The following SYNE3 variants were observed in gnomAD, a reference collection of about 807,000 sequenced individuals.
The protein encoded by SYNE3 is nesprin-3.
In SYNE3, 100 loss-of-function variants were observed where a neutral mutation model predicts 111.2. The observed-to-expected ratio is 0.90, with a 90% CI of 0.77 to 1.06. The LOEUF (loss-of-function observed/expected upper bound fraction) is 1.06, where lower values mean the gene tolerates loss of function less well. SYNE3 is among the 50% of genes least tolerant of loss of function. The pLI is 0.00. For missense variants in SYNE3, 1,160 were observed against 1,240.3 expected (o/e 0.94, Z 0.97); for synonymous variants, 547 against 533.9 (o/e 1.02, Z -0.34).
At chr14:95,469,071 T>TG (rs1407590199) in intron 2 of SYNE3, among the ~76,000 whole-genome samples, 1 of 152,208 alleles carries the variant, frequency 6.6e-6, no homozygotes, top group Non-Finnish European at 1.5e-5. Context: ...ACCCAGTCAC[T>TG]ACCTGCTCAC....
intron 2 of SYNE3, among the ~76,000 whole-genome samples, chr14:95,469,531 C>CAAAAA (rs71132350): frequency 5.0e-5 from 5 of 99,448 alleles, no homozygotes; most frequent in East Asian, 4.6e-4. Flanking sequence ...CATGTCTCTA[C>CAAAAA]AAAAAAAAAA....
chr14:95,439,617 C>G lies in SYNE3; in HGVS notation c.2241G>C (p.Leu747=). 6.2e-7 allele frequency: 1 copy of G among 1,609,292 alleles called. No homozygotes were observed. Among genetic ancestry groups the G allele is most frequent in the Non-Finnish European group, 8.5e-7 (1 of 1,180,006 alleles). The change falls in exon 13 of 18, where the codon CTG becomes CTC. Residue 747 remains leucine (L), a synonymous_variant. Coordinates refer to ENST00000682763, the MANE Select transcript of SYNE3 (RefSeq NM_152592.6). Reference sequence around the variant, plus strand: ...AGCCTAGGAGGCACTCTCACCTCAGCAGACTTTCTTCCAGCAGCCTCAAGG... The same window carrying G: ...AGCCTAGGAGGCACTCTCACCTCAGGAGACTTTCTTCCAGCAGCCTCAAGG... The part of the protein sequence containing the change: ...WRALRLLEES[L]LSLIRNWHLQ...
chr14:95,509,733 AAATTAG>A (rs1173034282), intron 1 of SYNE3, among the ~76,000 whole-genome samples: 1 of 152,246 alleles, frequency 6.6e-6, no homozygotes, highest in Non-Finnish European at 1.5e-5. Context: ...CTGTTGGCTT[AAATTAG>A]AATCCAACCA....
At chr14:95,477,561 G>A (rs187121609) in intron 1 of SYNE3, among the ~76,000 whole-genome samples, 1 of 152,308 alleles carries the variant, frequency 6.6e-6, no homozygotes, top group Non-Finnish European at 1.5e-5. Context: ...GGCCCTGCAC[G>A]GGGCCAGAAG....
At chr14:95,465,886 A>G (rs12434921) in intron 4 of SYNE3, 45 bp downstream of exon 4, 1,022,365 of 1,522,384 alleles carry the variant, frequency 0.67, 344,594 homozygotes, top group African/African-American at 0.76. Flanking sequence ...GGGTGGATAC[A>G]TGGATGGGTG....
At chr14:95,446,164 C>T in intron 8 of SYNE3, 73 bp from the exon 9 acceptor site, 1 of 1,547,584 alleles carries the variant, frequency 6.5e-7, no homozygotes, top group Non-Finnish European at 8.8e-7. Flanking sequence ...AGGGGCACAA[C>T]TGTTCTGGCT....
chr14:95,480,395 T>A (rs1889161864), intron 1 of SYNE3, among the ~76,000 whole-genome samples: 1 of 105,166 alleles, frequency 9.5e-6, no homozygotes, highest in Non-Finnish European at 2.6e-5. Flanking sequence ...AGAGAAGTGA[T>A]TTTTTTTTCA....
intron 1 of SYNE3, among the ~76,000 whole-genome samples, chr14:95,498,637 G>C (rs1890199089): frequency 6.6e-6 from 1 of 152,232 alleles, no homozygotes; most frequent in Non-Finnish European, 1.5e-5. Flanking sequence ...GTATAGAATA[G>C]GACTGCATCT....
At chr14:95,431,585 A>G (rs984741928) in intron 17 of SYNE3, among the ~76,000 whole-genome samples, 6 of 152,338 alleles carry the variant, frequency 3.9e-5, no homozygotes, top group African/African-American at 1.4e-4. Context: ...AGCACGGCTC[A>G]GTAGGGTAAG....
At chr14:95,440,112 T>A (rs1216719485) in intron 11 of SYNE3, 37 bp from the exon 12 acceptor site, 1 of 1,555,366 alleles carries the variant, frequency 6.4e-7, no homozygotes, top group African/African-American at 1.3e-5. Flanking sequence ...GCATCCTGAG[T>A]GCTGGCCGAG....
Position 95,450,007 on chromosome 14 carries a change from A to C in SYNE3, c.1373T>G (p.Leu458Arg), listed in dbSNP as rs913458748. 1 of 1,556,002 alleles carries C rather than the reference A, an allele frequency of 6.4e-7. No homozygotes were observed. Among genetic ancestry groups the C allele is most frequent in the African/African-American group, 1.4e-5 (1 of 73,282 alleles). Residue 458 changes from leucine (L) to arginine (R), a missense_variant, in exon 8 of 18, where the codon CTG becomes CGG. Physicochemically the swap from Leu to Arg is moderately radical, Grantham distance 102 (BLOSUM62 -2). Transcript: ENST00000682763. ...AGTGACCTCCAAGAGCCGCTGGGCC[A>C]GGGCCTTCCACAGCTGCAGATCCTG... ...PLQDLQLWKA[L>R]AQRLLEVTAS...
rs114948425 is a variant in SYNE3 at position 95,439,250 on chromosome 14, G to A, written c.2247-88C>T. The A allele has an allele frequency of 1.4e-3, 2,145 of 1,574,100 alleles. 27 individuals carry two copies. The African/African-American group carries it at 0.025, about 19-fold the overall frequency. ...AAAAGTAATAGAATTGGGGAACCACGGGTCACGAGTCAGTGCCCCCCACTG... is the reference window on the plus strand; with the variant it reads ...AAAAGTAATAGAATTGGGGAACCACAGGTCACGAGTCAGTGCCCCCCACTG... On this transcript the variant is annotated intron_variant, in intron 13 of 17. Coordinates refer to ENST00000682763, the MANE Select transcript of SYNE3 (RefSeq NM_152592.6).
At chr14:95,436,172 A>T (rs1343219255) in intron 15 of SYNE3, among the ~76,000 whole-genome samples, 1 of 152,146 alleles carries the variant, frequency 6.6e-6, no homozygotes, top group Non-Finnish European at 1.5e-5. Flanking sequence ...CATCCCTTCC[A>T]TCAAGTAGTG....
chr14:95,466,492 C>T (rs999231273), intron 3 of SYNE3, among the ~76,000 whole-genome samples: 3 of 152,200 alleles, frequency 2.0e-5, no homozygotes, highest in African/African-American at 7.2e-5. Context: ...CAGGGGAGCT[C>T]AGACTCCAAA....
intron 2 of SYNE3, among the ~76,000 whole-genome samples, chr14:95,468,885 C>A (rs1376303673): frequency 6.6e-6 from 1 of 152,170 alleles, no homozygotes; most frequent in Admixed American, 6.5e-5. Context: ...AGTTCAGGGG[C>A]AGCTAAGGCT....
intron 2 of SYNE3, among the ~76,000 whole-genome samples, chr14:95,472,461 C>T (rs1013400540): frequency 6.6e-6 from 1 of 152,208 alleles, no homozygotes; most frequent in African/African-American, 2.4e-5. Context: ...TGGGGATGGG[C>T]AGGGACACTT....
At chr14:95,480,722 T>G (rs867946573) in intron 1 of SYNE3, among the ~76,000 whole-genome samples, 2 of 150,714 alleles carry the variant, frequency 1.3e-5, no homozygotes, top group Non-Finnish European at 3.0e-5. Context: ...TAAGGAAGAG[T>G]GTGGTTGACT....
At chr14:95,491,999 T>C (rs1889875226) in intron 1 of SYNE3, among the ~76,000 whole-genome samples, 1 of 152,150 alleles carries the variant, frequency 6.6e-6, no homozygotes, top group Non-Finnish European at 1.5e-5. Flanking sequence ...ATGAGCACAC[T>C]GAGAAGCCCA....
intron 8 of SYNE3, among the ~76,000 whole-genome samples, chr14:95,447,116 A>C (rs537023926): frequency 4.8e-4 from 73 of 150,686 alleles, no homozygotes; most frequent in African/African-American, 1.8e-3. Flanking sequence ...ACTTCAATAC[A>C]AGACAGAAAG....
Sources: allele counts gnomAD v4.1 joint callset (sites outside exome capture counted in the v4.1 genomes callset), GRCh38; gene constraint gnomAD v4.1.1; transcripts MANE v1.5; gene names NCBI Gene and HGNC (gene_info 2026-07-23, HGNC 2026-07-21).